The following SH2D4B variants were observed in gnomAD, a reference collection of about 807,000 sequenced individuals.
SH2D4B encodes SH2 domain-containing protein 4B.
Under a neutral mutation model 61.5 loss-of-function variants are expected in SH2D4B, and 45 were observed. That is an observed-to-expected ratio of 0.73 (90% CI 0.58 to 0.94). The LOEUF is 0.94. Among genes scored for constraint, SH2D4B ranks in the 40% least tolerant of loss-of-function variants. SH2D4B has a pLI of 0.00. For missense variants in SH2D4B, 572 were observed against 574.2 expected, an observed-to-expected ratio of 1.00 and a Z score of 0.04; for synonymous variants, 224 against 220.4, an observed-to-expected ratio of 1.02 and a Z score of -0.14.
intron 4 of SH2D4B, among the ~76,000 whole-genome samples, chr10:80,594,039 C>T (rs1427751424): frequency 1.3e-5 from 2 of 152,058 alleles, no homozygotes; most frequent in Non-Finnish European, 2.9e-5. Flanking sequence ...TCTTAAAACT[C>T]CTGAGCTCAA....
At chr10:80,610,061 CTT>C (rs1347353866) in intron 6 of SH2D4B, among the ~76,000 whole-genome samples, 4 of 152,164 alleles carry the variant, frequency 2.6e-5, no homozygotes, top group Non-Finnish European at 5.9e-5. Flanking sequence ...AAGCTCTGGC[CTT>C]TTTCCTGTCC....
rs188786374 is a variant in SH2D4B, at chr10:80,638,467, T to A, written c.1209+3962T>A. On this transcript the variant is annotated intron_variant, in intron 7 of 7. Coordinates refer to ENST00000646907, the MANE Select transcript of SH2D4B (RefSeq NM_001388272.1). ...TAATTATTGCCTCAATTTCAGAGCC[T>A]GTTATTGGTCTATTCAGTGATTCAA... Among the ~76,000 whole-genome samples, 1,006 of 152,320 alleles carry A rather than the reference T, an allele frequency of 6.6e-3. 3 individuals carry two copies. The highest frequency in any genetic ancestry group is 0.01 in the Middle Eastern group (3 of 294).
chr10:80,540,715 A>G (rs1841566238), intron 1 of SH2D4B: 5 of 926,022 alleles, frequency 5.4e-6, no homozygotes, highest in Non-Finnish European at 8.1e-6. Flanking sequence ...CAGCATTACT[A>G]TGTGCTGATT....
At chr10:80,575,983 T>C (rs961511133) in intron 3 of SH2D4B, among the ~76,000 whole-genome samples, 1 of 152,242 alleles carries the variant, frequency 6.6e-6, no homozygotes, top group African/African-American at 2.4e-5. Flanking sequence ...CCAATTCTTT[T>C]TATCTCTCTC....
At chr10:80,605,480 A>T (rs1242402019) in intron 5 of SH2D4B, among the ~76,000 whole-genome samples, 4 of 152,014 alleles carry the variant, frequency 2.6e-5, no homozygotes, top group African/African-American at 9.7e-5. Context: ...GTCATGCAGG[A>T]ATTCTTGATT....
At chr10:80,634,228 G>C (rs1025967395) in intron 6 of SH2D4B, 57 bp from the exon 7 acceptor site, 16 of 1,473,510 alleles carry the variant, frequency 1.1e-5, no homozygotes, top group African/African-American at 7.1e-5. Context: ...GGAGAATCGT[G>C]GGGGAGGCAG....
intron 3 of SH2D4B, among the ~76,000 whole-genome samples, chr10:80,578,566 G>T (rs1316649523): frequency 6.6e-6 from 1 of 152,134 alleles, no homozygotes; most frequent in Non-Finnish European, 1.5e-5. Flanking sequence ...TGAATGGTCT[G>T]CTGGAAGGAG....
chr10:80,570,394 AT>A, intron 2 of SH2D4B, 78 bp downstream of exon 2: 1 of 1,518,064 alleles, frequency 6.6e-7, no homozygotes, highest in Non-Finnish European at 8.9e-7. Context: ...TAATTTTTGT[AT>A]TTTTAGTAGA....
At position 80,646,232 on chromosome 10, in the gene SH2D4B, T is replaced by C. The variant is rs1840393820; in HGVS notation, c.*2147T>C. ...GGATATGATGTGATGATTTTCAAGG[T>C]GTTGGAGGCAACTTCTGTTCCAAGA... On this transcript the variant is annotated 3_prime_UTR_variant, in exon 8 of 8. Coordinates refer to ENST00000646907, the MANE Select transcript of SH2D4B (RefSeq NM_001388272.1). The C allele has an allele frequency of 6.6e-6, 1 of 152,628 alleles. No homozygotes were observed. 9.5% of individuals were successfully genotyped at this position (152,628 alleles called of 1,614,324 possible).
intron 3 of SH2D4B, among the ~76,000 whole-genome samples, chr10:80,573,142 G>A (rs532636321): frequency 4.2e-4 from 61 of 146,440 alleles, no homozygotes; most frequent in Non-Finnish European, 6.3e-4. Flanking sequence ...CCGCCACCGC[G>A]CCCGGCTAAT....
intron 6 of SH2D4B, among the ~76,000 whole-genome samples, chr10:80,615,309 C>T (rs1024785894): frequency 1.3e-5 from 2 of 152,248 alleles, no homozygotes; most frequent in Non-Finnish European, 2.9e-5. Context: ...GAAACTATCC[C>T]ACATTTGTCC....
intron 4 of SH2D4B, among the ~76,000 whole-genome samples, chr10:80,601,900 G>T (rs1842455018): frequency 1.3e-5 from 2 of 152,200 alleles, no homozygotes; most frequent in African/African-American, 4.8e-5. Flanking sequence ...ACTCACTAGG[G>T]CTGGGGCATT....
intron 4 of SH2D4B, among the ~76,000 whole-genome samples, chr10:80,589,764 G>C (rs1456968797): frequency 6.6e-6 from 1 of 152,174 alleles, no homozygotes; most frequent in Non-Finnish European, 1.5e-5. Context: ...GGTGACACAG[G>C]AATAAGCAAG....
intron 3 of SH2D4B, among the ~76,000 whole-genome samples, chr10:80,583,339 A>C (rs1440206066): frequency 1.3e-5 from 2 of 152,140 alleles, no homozygotes; most frequent in East Asian, 3.8e-4. Context: ...TTGGAAGATA[A>C]AGTCGATGAA....
intron 3 of SH2D4B, among the ~76,000 whole-genome samples, chr10:80,587,143 TTTG>T (rs1273235045): frequency 0.19 from 12,168 of 65,030 alleles, 704 homozygotes; most frequent in East Asian, 0.36. Flanking sequence ...TTTTTTTTTT[TTTG>T]TTTTGTTTTT....
chr10:80,546,699 T>C (rs2132103748), intron 1 of SH2D4B, among the ~76,000 whole-genome samples: 1 of 151,700 alleles, frequency 6.6e-6, no homozygotes, highest in South Asian at 2.1e-4. Flanking sequence ...CTAATTTTTT[T>C]TGTATTTTTA....
intron 7 of SH2D4B, among the ~76,000 whole-genome samples, chr10:80,636,905 G>C (rs190846661): frequency 6.6e-6 from 1 of 152,038 alleles, no homozygotes; most frequent in African/African-American, 2.4e-5. Flanking sequence ...TTTCTTCTAG[G>C]GTTTTTATGG....
At chr10:80,609,610 G>A (rs2132144624) in intron 6 of SH2D4B, 59 bp downstream of exon 6, 3 of 1,610,174 alleles carry the variant, frequency 1.9e-6, no homozygotes, top group Non-Finnish European at 2.5e-6. Flanking sequence ...CCTCTCTCTG[G>A]GGTTGGGGAG....
chr10:80,560,912 G>A (rs1415242803), intron 1 of SH2D4B, among the ~76,000 whole-genome samples: 1 of 152,012 alleles, frequency 6.6e-6, no homozygotes, highest in Non-Finnish European at 1.5e-5. Context: ...TCAATAGTGA[G>A]TGAATCTTTG....
Sources: gnomAD v4.1 joint callset for allele counts (sites outside exome capture counted in the v4.1 genomes callset) on GRCh38, gnomAD v4.1.1 for gene constraint, MANE v1.5 for transcripts, NCBI Gene and HGNC (gene_info 2026-07-23, HGNC 2026-07-21) for gene names.